KATNIP: variants seen among roughly 807,000 people sequenced by gnomAD.
KATNIP encodes the protein katanin interacting protein, also known as katanin-interacting protein.
A neutral mutation model predicts 174.0 loss-of-function variants in KATNIP; 126 were observed. The observed-to-expected ratio is 0.72, with a 90% CI of 0.63 to 0.84. KATNIP has a LOEUF of 0.84. KATNIP is among the 40% of genes least tolerant of loss of function. The pLI, the probability that KATNIP is intolerant of heterozygous loss-of-function variation, is 0.00. For synonymous variants in KATNIP, 810 were observed against 835.7 expected (o/e 0.97, Z 0.53); for missense variants, 1,958 against 2,109.7 (o/e 0.93, Z 1.41).
intron 2 of KATNIP, 118 bp downstream of exon 2, chr16:27,574,074 G>A: frequency 1.2e-6 from 1 of 823,120 alleles, no homozygotes; most frequent in Non-Finnish European, 2.0e-6. Context: ...TCCCAAGCTT[G>A]AATCCTGGAG....
chr16:27,661,688 C>T (rs1486139363), intron 6 of KATNIP, among the ~76,000 whole-genome samples: 3 of 151,140 alleles, frequency 2.0e-5, no homozygotes, highest in Admixed American at 1.3e-4. Context: ...CCACTGCGCC[C>T]GGCCTGGGTT....
At chr16:27,716,715 G>A (rs990463893) in intron 13 of KATNIP, among the ~76,000 whole-genome samples, 1 of 152,148 alleles carries the variant, frequency 6.6e-6, no homozygotes, top group African/African-American at 2.4e-5. Flanking sequence ...CCACCAAGGA[G>A]TTCCCTTGGG....
At chr16:27,731,149 A>G (rs2080664504) in intron 14 of KATNIP, among the ~76,000 whole-genome samples, 1 of 151,358 alleles carries the variant, frequency 6.6e-6, no homozygotes, top group Non-Finnish European at 1.5e-5. Context: ...AAAGACCCCC[A>G]TACAGTATGG....
intron 1 of KATNIP, among the ~76,000 whole-genome samples, chr16:27,566,028 T>G (rs1420048754): frequency 6.6e-6 from 1 of 151,714 alleles, no homozygotes; most frequent in Non-Finnish European, 1.5e-5. Flanking sequence ...AGCTGTTTTT[T>G]TTTTTTTTTT....
intron 21 of KATNIP, among the ~76,000 whole-genome samples, chr16:27,771,005 C>T (rs1212771038): frequency 6.6e-6 from 1 of 152,192 alleles, no homozygotes; most frequent in Non-Finnish European, 1.5e-5. Context: ...TGCTCCTCTG[C>T]GTGGAAGGTT....
intron 17 of KATNIP, among the ~76,000 whole-genome samples, chr16:27,753,055 G>T (rs1403441338): frequency 6.6e-6 from 1 of 152,106 alleles, no homozygotes; most frequent in Non-Finnish European, 1.5e-5. Context: ...GTTCCCTGGG[G>T]ATTGTACCTC....
rs1487542390 is a variant in KATNIP at position 27,717,808 on chromosome 16, G to GC, written c.1606-3744dup. On this transcript the variant is annotated intron_variant, in intron 13 of 27. Transcript: ENST00000261588. Reference sequence around the variant, plus strand: ...ACCTTCCATACAGAGAGAAATAGAAGCCCCCCAGGAGCAGCACTCAACCAA... The same window carrying GC: ...ACCTTCCATACAGAGAGAAATAGAAGCCCCCCCAGGAGCAGCACTCAACCAA... Among the ~76,000 whole-genome samples, 6 of 152,196 alleles carry GC rather than the reference G, an allele frequency of 3.9e-5. No individual in the cohort carries two copies. The South Asian group carries it at 1.0e-3, about 26-fold the overall frequency.
intron 20 of KATNIP, among the ~76,000 whole-genome samples, chr16:27,767,226 C>T (rs1235769616): frequency 6.6e-6 from 1 of 152,164 alleles, no homozygotes. Context: ...CAACCAGCTG[C>T]GTAACCTCTG....
chr16:27,628,952 G>A (rs898318118), intron 4 of KATNIP, 122 bp downstream of exon 4: 6 of 978,638 alleles, frequency 6.1e-6, no homozygotes, highest in Non-Finnish European at 6.1e-6. Context: ...TGGATCACTT[G>A]AGGCCAAGAG....
At chr16:27,586,915 C>T (rs1315722217) in intron 2 of KATNIP, among the ~76,000 whole-genome samples, 1 of 148,774 alleles carries the variant, frequency 6.7e-6, no homozygotes, top group Non-Finnish European at 1.5e-5. Context: ...CCAACTTCTT[C>T]TTCTTTTTTT....
intron 18 of KATNIP, among the ~76,000 whole-genome samples, chr16:27,760,347 G>A (rs193106684): frequency 7.3e-4 from 111 of 152,322 alleles, no homozygotes; most frequent in Admixed American, 2.7e-3. Flanking sequence ...GGAAAGAGAC[G>A]TTCCAGCCAA....
At chr16:27,639,729 T>C (rs1220380897) in intron 5 of KATNIP, among the ~76,000 whole-genome samples, 1 of 152,256 alleles carries the variant, frequency 6.6e-6, no homozygotes, top group Non-Finnish European at 1.5e-5. Flanking sequence ...GCCCTGTCTC[T>C]TGTTATCTTC....
At chr16:27,577,101 G>C (rs1264626861) in intron 2 of KATNIP, among the ~76,000 whole-genome samples, 1 of 152,186 alleles carries the variant, frequency 6.6e-6, no homozygotes, top group Non-Finnish European at 1.5e-5. Context: ...GTTGTATCTA[G>C]CTCGTACCCT....
At chr16:27,594,067 C>A (rs1054726441) in intron 2 of KATNIP, among the ~76,000 whole-genome samples, 1 of 149,558 alleles carries the variant, frequency 6.7e-6, no homozygotes, top group Non-Finnish European at 1.5e-5. Context: ...CCAGCCTGGG[C>A]AACATGGCAA....
intron 1 of KATNIP, among the ~76,000 whole-genome samples, chr16:27,556,773 C>T (rs1028311307): frequency 6.6e-6 from 1 of 151,928 alleles, no homozygotes; most frequent in African/African-American, 2.4e-5. Context: ...CTACTTAAAC[C>T]CAGCAAAAAA....
intron 2 of KATNIP, among the ~76,000 whole-genome samples, chr16:27,590,601 C>T (rs765609792): frequency 6.6e-6 from 1 of 152,148 alleles, no homozygotes; most frequent in Non-Finnish European, 1.5e-5. Flanking sequence ...TGGCTACGTC[C>T]TGCTTTTCTG....
rs116237758 is a variant in KATNIP, at chr16:27,698,787, C to G, written c.1113+287C>G. 5.4e-3 allele frequency among the ~76,000 whole-genome samples: 820 copies of G among 152,340 alleles called. 15 individuals carry two copies. Among genetic ancestry groups the G allele is most frequent in the African/African-American group, 0.019 (772 of 41,574 alleles). On this transcript the variant is annotated intron_variant, in intron 9 of 27. Coordinates refer to ENST00000261588, the MANE Select transcript of KATNIP (RefSeq NM_015202.5). ...CCTGCAAACCCTGGATACCTTAGAC[C>G]AGGGTTGCAAACTGGTGGGTCAGTG...
chr16:27,639,142 G>T (rs1361323773), intron 5 of KATNIP, among the ~76,000 whole-genome samples: 1 of 152,162 alleles, frequency 6.6e-6, no homozygotes, highest in Non-Finnish European at 1.5e-5. Context: ...CTGGCCTCCA[G>T]ATCCCTTGAC....
chr16:27,757,480 TGA>T, intron 18 of KATNIP: 4 of 985,200 alleles, frequency 4.1e-6, no homozygotes, highest in Non-Finnish European at 3.6e-6. Context: ...CTTCATCTGA[TGA>T]TTTCCCCAAA....
Sources: allele counts gnomAD v4.1 joint callset (sites outside exome capture counted in the v4.1 genomes callset), GRCh38; gene constraint gnomAD v4.1.1; transcripts MANE v1.5; gene names NCBI Gene and HGNC (gene_info 2026-07-23, HGNC 2026-07-21).